Variants in AOX1 observed in about 807,000 individuals in gnomAD.
AOX1 encodes aldehyde oxidase.
AOX1 carries 153 observed loss-of-function variants against 169.5 expected under a neutral mutation model. The observed-to-expected ratio is 0.90, with a 90% CI of 0.79 to 1.03. AOX1 has a LOEUF of 1.03. Among genes scored for constraint, AOX1 ranks in the 50% least tolerant of loss-of-function variants. AOX1 has a pLI of 0.00. For synonymous variants in AOX1, 562 were observed against 581.9 expected, an observed-to-expected ratio of 0.97 and a Z score of 0.49; for missense variants, 1,656 against 1,663.9, an observed-to-expected ratio of 1.00 and a Z score of 0.08.
chr2:200,636,864 C>T (rs767048296), intron 21 of AOX1, 47 bp from the exon 22 acceptor site: 2 of 1,580,006 alleles, frequency 1.3e-6, no homozygotes, highest in South Asian at 1.2e-5. Context: ...ACAATTAAGT[C>T]CTTGCTGAAG....
chr2:200,647,945 T>A (rs1574950469), intron 25 of AOX1, among the ~76,000 whole-genome samples: 2 of 57,394 alleles, frequency 3.5e-5, no homozygotes, highest in Middle Eastern at 8.9e-3. Context: ...TTTTTTATTG[T>A]TTTTTTCTTT....
intron 12 of AOX1, 127 bp from the exon 13 acceptor site, chr2:200,611,257 T>C (rs974403130): frequency 2.6e-5 from 18 of 698,316 alleles, no homozygotes; most frequent in Non-Finnish European, 4.4e-5. Flanking sequence ...TTGCGAAGCA[T>C]AGGAAGAGCA....
At chr2:200,674,293 A>G (rs541218195), downstream of AOX1, among the ~76,000 whole-genome samples, 1 of 152,348 alleles carries the variant, frequency 6.6e-6, no homozygotes, top group East Asian at 1.9e-4. Flanking sequence ...TAGAGGTGGC[A>G]AGGGGAAATT....
Position 200,670,764 on chromosome 2 carries a change from T to G in AOX1, c.*85T>G. 1 of 1,100,248 alleles carries G rather than the reference T, an allele frequency of 9.1e-7. No individual in the cohort carries two copies. Among genetic ancestry groups the G allele is most frequent in the South Asian group, 1.4e-5 (1 of 73,782 alleles). The allele number at this position is 1,100,248 out of a possible 1,614,324, so 68.2% of individuals were successfully genotyped here. On this transcript the variant is annotated 3_prime_UTR_variant, in exon 35 of 35. Coordinates refer to ENST00000374700, the MANE Select transcript of AOX1 (RefSeq NM_001159.4). ...TCTCTGTGCTGGAAGATGCTAGATC[T>G]GAAAGACAGAGTTTCCACAGTTCAG...
At position 200,609,495 on chromosome 2, in the gene AOX1, T is replaced by C. The variant is rs573092935; in HGVS notation, c.1153+81T>C. The C allele has an allele frequency of 2.0e-4, 238 of 1,216,240 alleles. 1 individual carries two copies. Among genetic ancestry groups the C allele is most frequent in the Non-Finnish European group, 2.7e-4 (227 of 830,412 alleles). The allele number at this position is 1,216,240 out of a possible 1,614,324, so 75.3% of individuals were successfully genotyped here. Reference sequence around the variant, plus strand: ...CTCTGGGGAGGCAGGAAATCCAGTCTTGAAAATGACTTTTCCCTATAATAT... The same window carrying C: ...CTCTGGGGAGGCAGGAAATCCAGTCCTGAAAATGACTTTTCCCTATAATAT... On this transcript the variant is annotated intron_variant, in intron 12 of 34. Transcript: ENST00000374700.
chr2:200,622,633 A>G (rs1459940154), intron 18 of AOX1, among the ~76,000 whole-genome samples: 1 of 152,184 alleles, frequency 6.6e-6, no homozygotes, highest in Non-Finnish European at 1.5e-5. Context: ...TGTTTACTAA[A>G]CAAGTGAAAC....
intron 25 of AOX1, among the ~76,000 whole-genome samples, chr2:200,648,234 GTT>G (rs2035502747): frequency 6.6e-6 from 1 of 152,220 alleles, no homozygotes; most frequent in Non-Finnish European, 1.5e-5. Context: ...CAGAAGGAAA[GTT>G]TGGGGCTGAA....
Position 200,586,126 on chromosome 2 carries a change from G to A in AOX1, c.18G>A (p.Glu6=). 1 of 1,565,504 alleles carries A rather than the reference G, an allele frequency of 6.4e-7. No individual in the cohort carries two copies. Residue 6 remains glutamate, a synonymous_variant, in exon 1 of 35, where the codon GAG becomes GAA. Transcript: ENST00000374700. MDRAS[E]LLFYVNGRKV... ...ACACCACAATGGACCGGGCGTCCGA[G>A]CTGCTCTTCTACGTGAACGGCCGCA...
chr2:200,677,551 C>T (rs983344820), downstream of AOX1, among the ~76,000 whole-genome samples: 1 of 152,152 alleles, frequency 6.6e-6, no homozygotes, highest in African/African-American at 2.4e-5. Context: ...CAAATAATTA[C>T]AAAACTTTTG....
chr2:200,672,223 C>T (rs927190329), downstream of AOX1, among the ~76,000 whole-genome samples: 12 of 152,240 alleles, frequency 7.9e-5, no homozygotes, highest in East Asian at 3.9e-4. Context: ...AATTTTACAA[C>T]GTGTGAATAT....
chr2:200,601,962 T>C, intron 5 of AOX1, among the ~76,000 whole-genome samples: 1 of 151,946 alleles, frequency 6.6e-6, no homozygotes, highest in East Asian at 1.9e-4. Context: ...AAGTTGTTTT[T>C]AAAATAAGGC....
chr2:200,634,871 G>A lies in AOX1; in HGVS notation c.2302G>A (p.Glu768Lys). ...MLVVPKGEDQ[E>K]MDVYVSTQFP... ...TGTCGTTCCCAAGGGAGAGGATCAA[G>A]AAATGGATGTCTACGTGTCCACACA... The change falls in exon 21 of 35, where the codon GAA (glutamate) becomes AAA (lysine). Residue 768 changes from glutamate to lysine, a missense_variant. Transcript: ENST00000374700. 1 of 1,614,130 alleles carries A rather than the reference G, an allele frequency of 6.2e-7. No individual in the cohort carries two copies. Among genetic ancestry groups the A allele is most frequent in the Non-Finnish European group, 8.5e-7 (1 of 1,179,982 alleles).
At chr2:200,593,567 T>C (rs2034218737) in intron 2 of AOX1, among the ~76,000 whole-genome samples, 1 of 152,124 alleles carries the variant, frequency 6.6e-6, no homozygotes, top group Non-Finnish European at 1.5e-5. Flanking sequence ...TCACCTGAAA[T>C]GAAAGTAAAA....
At chr2:200,659,399 T>G in intron 28 of AOX1, 106 bp downstream of exon 28, 1 of 1,272,024 alleles carries the variant, frequency 7.9e-7, no homozygotes, top group Non-Finnish European at 1.1e-6. Context: ...TCATATCTCC[T>G]TCCCCATCTT....
chr2:200,653,215 AGC>A (rs2035615986), intron 26 of AOX1, among the ~76,000 whole-genome samples: 1 of 152,348 alleles, frequency 6.6e-6, no homozygotes, highest in East Asian at 1.9e-4. Context: ...ACTAGGCAAC[AGC>A]CAGCAGTACA....
At chr2:200,645,767 G>C (rs1574949163) in intron 25 of AOX1, among the ~76,000 whole-genome samples, 1 of 152,018 alleles carries the variant, frequency 6.6e-6, no homozygotes, top group South Asian at 2.1e-4. Context: ...GGTCTGTTAA[G>C]GGTATCTAAT....
chr2:200,627,496 T>C, intron 20 of AOX1, 47 bp downstream of exon 20: 1 of 1,394,322 alleles, frequency 7.2e-7, no homozygotes, highest in Non-Finnish European at 1.0e-6. Context: ...CTTCTAAGCA[T>C]GTCAGTTTAA....
chr2:200,660,155 G>C (rs1352881258), intron 29 of AOX1, 86 bp downstream of exon 29: 3 of 1,129,052 alleles, frequency 2.7e-6, no homozygotes, highest in Admixed American at 3.8e-5. Context: ...ATTGAAATCT[G>C]TAGAAAGGGC....
At chr2:200,625,605 G>C (rs1239788173) in intron 19 of AOX1, among the ~76,000 whole-genome samples, 1 of 152,186 alleles carries the variant, frequency 6.6e-6, no homozygotes, top group Non-Finnish European at 1.5e-5. Context: ...GTTTAGAGCA[G>C]GGAAATATGC....
Sources: gnomAD v4.1 joint callset for allele counts (sites outside exome capture counted in the v4.1 genomes callset) on GRCh38, gnomAD v4.1.1 for gene constraint, MANE v1.5 for transcripts, NCBI Gene and HGNC (gene_info 2026-07-23, HGNC 2026-07-21) for gene names.